The following KLF12 variants were observed in gnomAD, a reference collection of about 807,000 sequenced individuals.
KLF12 encodes Krueppel-like factor 12.
A neutral mutation model predicts 37.8 loss-of-function variants in KLF12; 9 were observed. The ratio of observed to expected loss-of-function variants is 0.24; its 90% confidence interval spans 0.14 to 0.42. The LOEUF (loss-of-function observed/expected upper bound fraction) is 0.42, where lower values mean the gene tolerates loss of function less well. Among genes scored for constraint, KLF12 ranks in the 10% least tolerant of loss-of-function variants. KLF12 has a pLI of 1.00. For missense variants in KLF12, 411 were observed against 516.0 expected, an observed-to-expected ratio of 0.80 and a Z score of 1.97; for synonymous variants, 208 against 202.1, an observed-to-expected ratio of 1.03 and a Z score of -0.25.
chr13:73,702,906 G>C (rs1037670217), intron 7 of KLF12, among the ~76,000 whole-genome samples: 1 of 152,178 alleles, frequency 6.6e-6, no homozygotes, highest in Non-Finnish European at 1.5e-5. Context: ...CTGAAACCTA[G>C]AGGCGGGGAA....
intron 7 of KLF12, among the ~76,000 whole-genome samples, chr13:73,700,529 G>A (rs900897703): frequency 1.3e-5 from 2 of 151,282 alleles, no homozygotes; most frequent in East Asian, 1.9e-4. Context: ...AATATTCTTC[G>A]CTCCCATTGC....
the KLF12 span, among the ~76,000 whole-genome samples, chr13:74,153,191 A>G: frequency 6.6e-6 from 1 of 152,118 alleles, no homozygotes; most frequent in Non-Finnish European, 1.5e-5. Flanking sequence ...TCTTCTTGAC[A>G]GTGGCAGTTT....
the KLF12 span, among the ~76,000 whole-genome samples, chr13:74,195,203 A>C: frequency 6.6e-6 from 1 of 152,218 alleles, no homozygotes; most frequent in Non-Finnish European, 1.5e-5. Flanking sequence ...CATTCACTAA[A>C]AGAAACTTAC....
chr13:73,705,653 A>C (rs1874877544), intron 7 of KLF12, among the ~76,000 whole-genome samples: 1 of 151,832 alleles, frequency 6.6e-6, no homozygotes, highest in Admixed American at 6.6e-5. Flanking sequence ...TTCCATTAAA[A>C]CCACAAATTT....
chr13:73,806,004 A>G (rs1882592599), intron 5 of KLF12, among the ~76,000 whole-genome samples: 1 of 152,106 alleles, frequency 6.6e-6, no homozygotes, highest in Admixed American at 6.5e-5. Context: ...AGGTTTCACC[A>G]GAGGAAGGCT....
intron 3 of KLF12, among the ~76,000 whole-genome samples, chr13:73,905,152 T>C (rs184789385): frequency 7.9e-5 from 12 of 152,312 alleles, no homozygotes; most frequent in Middle Eastern, 6.8e-3. Flanking sequence ...AAATTAAATA[T>C]GATTTTAGAG....
At chr13:74,247,612 A>C in the KLF12 span, among the ~76,000 whole-genome samples, 1 of 152,098 alleles carries the variant, frequency 6.6e-6, no homozygotes, top group South Asian at 2.1e-4. Flanking sequence ...GAGTTATGTC[A>C]AGTTATCTTT....
the KLF12 span, among the ~76,000 whole-genome samples, chr13:74,191,421 A>G: frequency 6.6e-6 from 1 of 152,098 alleles, no homozygotes; most frequent in Non-Finnish European, 1.5e-5. Flanking sequence ...AGTTATATTT[A>G]TTTTCTTTCA....
chr13:73,928,668 A>G (rs1447060011), intron 3 of KLF12, among the ~76,000 whole-genome samples: 1 of 152,186 alleles, frequency 6.6e-6, no homozygotes, highest in African/African-American at 2.4e-5. Context: ...ATTCTTCAAG[A>G]CCTGCAAAAA....
chr13:74,224,252 T>C, the KLF12 span, among the ~76,000 whole-genome samples: 4 of 152,172 alleles, frequency 2.6e-5, no homozygotes, highest in Non-Finnish European at 4.4e-5. Context: ...CATTTATTCA[T>C]TATTTTATTT....
At chr13:73,758,798 G>GA (rs1287280365) in intron 6 of KLF12, among the ~76,000 whole-genome samples, 2 of 151,850 alleles carry the variant, frequency 1.3e-5, no homozygotes, top group Admixed American at 1.3e-4. Flanking sequence ...AGAAATACTA[G>GA]AGACAAAATC....
Position 73,992,265 on chromosome 13 carries a change from CT to C in KLF12, c.33+2724del, listed in dbSNP as rs767711145. ...CAGAGAGGACAACTGCTGAAATACG[CT>C]GAAGTGTGTATCCACCAGATTTTAT... On this transcript the variant is annotated intron_variant, in intron 2 of 7. Transcript: ENST00000377669. 1.3e-4 allele frequency among the ~76,000 whole-genome samples: 20 copies of C among 152,260 alleles called. No individual in the cohort carries two copies. The East Asian group carries it at 3.9e-3, about 29-fold the overall frequency.
intron 3 of KLF12, among the ~76,000 whole-genome samples, chr13:73,922,889 C>T (rs1889186246): frequency 6.6e-6 from 1 of 152,168 alleles, no homozygotes; most frequent in South Asian, 2.1e-4. Context: ...ATATTAACCC[C>T]CAGGCCTCCT....
At position 73,810,983 on chromosome 13, in the gene KLF12, T is replaced by C. The variant is rs7989973; in HGVS notation, c.806+2169A>G. The stretch of plus-strand genomic sequence containing the variant: ...TGTTTATTTTTTTAATTTTTCTTTC[T>C]TTTTTTTTTTTTTTTTTTTTTTTTA... On this transcript the variant is annotated intron_variant, in intron 5 of 7. Coordinates refer to ENST00000377669, the MANE Select transcript of KLF12 (RefSeq NM_007249.5). Among the ~76,000 whole-genome samples the C allele has an allele frequency of 5.4e-3, 137 of 25,154 alleles. 1 individual carries two copies. Among genetic ancestry groups the C allele is most frequent in the Middle Eastern group, 0.017 (1 of 60 alleles). 16.5% of individuals were successfully genotyped at this position (25,154 alleles called of 152,430 possible).
At chr13:73,849,372 CCATAAAAAA>C (rs1885196534) in intron 3 of KLF12, among the ~76,000 whole-genome samples, 1 of 70,594 alleles carries the variant, frequency 1.4e-5, no homozygotes, top group Non-Finnish European at 2.8e-5. Flanking sequence ...GAGGGAGACT[CCATAAAAAA>C]AAAAAAAAAA....
At chr13:74,192,028 T>C in the KLF12 span, among the ~76,000 whole-genome samples, 1 of 152,136 alleles carries the variant, frequency 6.6e-6, no homozygotes, top group Non-Finnish European at 1.5e-5. Context: ...TTATGGCTCA[T>C]ACCTCAACAG....
chr13:74,235,042 A>C, the KLF12 span, among the ~76,000 whole-genome samples: 2 of 152,202 alleles, frequency 1.3e-5, no homozygotes, highest in African/African-American at 2.4e-5. Context: ...GCAAGAAACC[A>C]AAATGGACTC....
chr13:74,166,973 GT>G, the KLF12 span, among the ~76,000 whole-genome samples: 1 of 152,272 alleles, frequency 6.6e-6, no homozygotes, highest in African/African-American at 2.4e-5. Flanking sequence ...GACTGATATT[GT>G]GCCTTTGTAA....
At chr13:73,980,509 C>T (rs763344459) in intron 2 of KLF12, among the ~76,000 whole-genome samples, 2 of 152,052 alleles carry the variant, frequency 1.3e-5, no homozygotes, top group African/African-American at 4.8e-5. Context: ...ATAGAAAAAG[C>T]ATTAAACATA....
Sources: allele counts gnomAD v4.1 joint callset (sites outside exome capture counted in the v4.1 genomes callset), GRCh38; gene constraint gnomAD v4.1.1; transcripts MANE v1.5; gene names NCBI Gene and HGNC (gene_info 2026-07-23, HGNC 2026-07-21).